PARP15: variants seen among roughly 807,000 people sequenced by gnomAD.
PARP15 encodes the protein poly(ADP-ribose) polymerase family member 15.
In PARP15, 50 loss-of-function variants were observed where a neutral mutation model predicts 62.1. The observed-to-expected ratio is 0.81, with a 90% CI of 0.64 to 1.02. The LOEUF is 1.02. Ranked by LOEUF, PARP15 falls within the 50% of genes least tolerant of loss-of-function variation. The pLI is 0.00. For missense variants in PARP15, 820 were observed against 826.5 expected (o/e 0.99, Z 0.10); for synonymous variants, 309 against 293.1 (o/e 1.05, Z -0.55).
At chr3:122,628,013 C>T (rs556083201) in intron 9 of PARP15, among the ~76,000 whole-genome samples, 39 of 152,298 alleles carry the variant, frequency 2.6e-4, no homozygotes, top group African/African-American at 9.1e-4. Context: ...GGTCCAGGTG[C>T]TCATATAATA....
At chr3:122,624,753 T>C (rs958044234) in intron 8 of PARP15, among the ~76,000 whole-genome samples, 1 of 152,234 alleles carries the variant, frequency 6.6e-6, no homozygotes, top group African/African-American at 2.4e-5. Flanking sequence ...GAAAGTTGCG[T>C]TAGGAATCTA....
In PARP15 at chr3:122,612,633, G is replaced by A. The variant is rs1412911013; in HGVS notation, c.544-408G>A. On this transcript the variant is annotated intron_variant, in intron 3 of 11. Coordinates refer to ENST00000464300, the MANE Select transcript of PARP15 (RefSeq NM_001113523.3). ...GTTTTTGTATTTTTAGTAGAGACGG[G>A]GTTTCACTGTGTTAGCCAGGATGGT... 3.9e-5 allele frequency among the ~76,000 whole-genome samples: 6 copies of A among 151,958 alleles called. No individual in the cohort carries two copies. In the East Asian group the frequency reaches 1.2e-3, roughly 29 times the overall value.
intron 1 of PARP15, among the ~76,000 whole-genome samples, chr3:122,595,776 G>A (rs768324766): frequency 4.6e-5 from 7 of 152,038 alleles, no homozygotes; most frequent in African/African-American, 1.7e-4. Flanking sequence ...CTAGCAATCC[G>A]CCTGCCTTGG....
rs62905360 is a variant in PARP15, at chr3:122,600,421, GT to G, written c.187-5511del. 4.1e-3 allele frequency among the ~76,000 whole-genome samples: 620 copies of G among 152,160 alleles called. 6 individuals are homozygous for G. Among genetic ancestry groups the G allele is most frequent in the African/African-American group, 0.014 (590 of 41,512 alleles). ...GTAGCTTTATGTTAAGCCCAAATAT[GT>G]TTTACTATAGCTGTACATACCAACT... On this transcript the variant is annotated intron_variant, in intron 1 of 11. Transcript: ENST00000464300.
chr3:122,622,156 T>C (rs2107574436), intron 8 of PARP15, among the ~76,000 whole-genome samples: 1 of 152,368 alleles, frequency 6.6e-6, no homozygotes, highest in South Asian at 2.1e-4. Flanking sequence ...CTTAACTTCA[T>C]AGTTTTCTCA....
chr3:122,635,933 GTCT>G lies in PARP15; in HGVS notation c.1873_1875del (p.Phe625del), dbSNP rs372439793. ...GTACGTTGTGCGAGTACTTACTGGA[GTCT>G]TCACAAAGGGACGTGCAGGATTAGT... On this transcript the variant is annotated inframe_deletion, in exon 12 of 12. Transcript: ENST00000464300. The G allele has an allele frequency of 1.4e-4, 232 of 1,614,114 alleles. No individual in the cohort carries two copies. The highest frequency in any genetic ancestry group is 1.9e-4 in the Non-Finnish European group (224 of 1,180,008).
chr3:122,607,185 C>T (rs1215387156), intron 2 of PARP15, among the ~76,000 whole-genome samples: 1 of 152,148 alleles, frequency 6.6e-6, no homozygotes, highest in Admixed American at 6.5e-5. Context: ...AAGATAATTG[C>T]CATGGCTACT....
intron 7 of PARP15, 124 bp downstream of exon 7, chr3:122,619,967 T>G: frequency 2.3e-6 from 2 of 861,322 alleles, no homozygotes; most frequent in Non-Finnish European, 3.9e-6. Flanking sequence ...AGAAGGTTGG[T>G]TCACTGGAAG....
At chr3:122,616,017 G>A (rs571305605) in intron 5 of PARP15, among the ~76,000 whole-genome samples, 160 bp downstream of exon 5, 1 of 152,334 alleles carries the variant, frequency 6.6e-6, no homozygotes, top group Non-Finnish European at 1.5e-5. Context: ...GGCACACAAA[G>A]AAGCAATCGC....
intron 4 of PARP15, among the ~76,000 whole-genome samples, chr3:122,614,442 C>A (rs1225855967): frequency 6.6e-6 from 1 of 152,054 alleles, no homozygotes; most frequent in African/African-American, 2.4e-5. Context: ...CAGAAACACT[C>A]CAAAGTATTG....
chr3:122,636,027 G>C lies in PARP15; in HGVS notation c.1964G>C (p.Arg655Pro), dbSNP rs146577543. Residue 655 changes from arginine (R) to proline (P), a missense_variant, in exon 12 of 12, where the codon CGA (arginine) becomes CCA (proline). Coordinates refer to ENST00000464300, the MANE Select transcript of PARP15 (RefSeq NM_001113523.3). ...TTTGACTCAGTGACAAACAATACAC[G>C]ATCTCCAAAGCTATTTGTGGTATTC... ...DLFDSVTNNT[R>P]SPKLFVVFFD... 1.9e-6 allele frequency: 3 copies of C among 1,613,904 alleles called. No homozygotes were observed. Among genetic ancestry groups the C allele is most frequent in the Admixed American group, 1.7e-5 (1 of 59,992 alleles).
At chr3:122,630,961 G>A (rs1031274538) in intron 9 of PARP15, among the ~76,000 whole-genome samples, 1 of 152,168 alleles carries the variant, frequency 6.6e-6, no homozygotes, top group Non-Finnish European at 1.5e-5. Flanking sequence ...GCTGGTCACA[G>A]GTTGAGGCTG....
intron 1 of PARP15, among the ~76,000 whole-genome samples, chr3:122,581,610 T>A (rs2080802634): frequency 6.6e-6 from 1 of 152,192 alleles, no homozygotes; most frequent in African/African-American, 2.4e-5. Flanking sequence ...TGAAGTTGAG[T>A]TGTAGGGGTT....
At position 122,627,084 on chromosome 3, in the gene PARP15, A is replaced by G. The variant is rs1220239419; in HGVS notation, c.1438+51A>G. The G allele has an allele frequency of 1.4e-6, 2 of 1,453,410 alleles. 1 individual carries two copies. The highest frequency in any genetic ancestry group is 3.9e-5 in the Admixed American group (2 of 51,858). 90.0% of individuals were successfully genotyped at this position (1,453,410 alleles called of 1,614,324 possible). A position where few individuals can be genotyped will look rare whatever the true frequency, so the allele number is the denominator to read the frequency against. On this transcript the variant is annotated intron_variant, in intron 9 of 11. Transcript: ENST00000464300. ...ACCCTGCTGGCTCTGATAATCACTT[A>G]GAAAATGTTTAAGTGTGAATGTACA...
Position 122,636,453 on chromosome 3 carries a change from G to T in PARP15, c.*353G>T. The T allele has an allele frequency of 4.2e-6, 1 of 239,918 alleles. No individual in the cohort carries two copies. Among genetic ancestry groups the T allele is most frequent in the Non-Finnish European group, 8.2e-6 (1 of 121,732 alleles). The allele number at this position is 239,918 out of a possible 1,614,324, so 14.9% of individuals were successfully genotyped here. ...CATTGTTCTTCTTGGAACATGTTAAGACATCGAATGGTGGCGGGTTAAACT... is the reference window on the plus strand; with the variant it reads ...CATTGTTCTTCTTGGAACATGTTAATACATCGAATGGTGGCGGGTTAAACT... On this transcript the variant is annotated 3_prime_UTR_variant, in exon 12 of 12. Coordinates refer to ENST00000464300, the MANE Select transcript of PARP15 (RefSeq NM_001113523.3).
intron 1 of PARP15, among the ~76,000 whole-genome samples, chr3:122,605,605 G>C (rs749683949): frequency 2.0e-5 from 3 of 151,952 alleles, no homozygotes; most frequent in African/African-American, 7.3e-5. Flanking sequence ...ACAGGGTCTC[G>C]CTTTGTTACG....
At chr3:122,601,637 G>A (rs747904969) in intron 1 of PARP15, among the ~76,000 whole-genome samples, 24 of 152,028 alleles carry the variant, frequency 1.6e-4, no homozygotes, top group Non-Finnish European at 2.2e-4. Context: ...ATATTCTATC[G>A]TATGGAAGTA....
intron 6 of PARP15, among the ~76,000 whole-genome samples, chr3:122,617,564 T>A (rs1559973160): frequency 6.6e-6 from 1 of 152,230 alleles, no homozygotes. Context: ...CATTTAGAAC[T>A]CACCTTCGGT....
rs1337570433 is a variant in PARP15, at chr3:122,638,842, AC to A, written c.*2743del. ...TTTCTACCATTTTTCATTAAACATT[AC>A]AAGTTGTTCTCTTGTGTTCTTATTT... On this transcript the variant is annotated 3_prime_UTR_variant, in exon 12 of 12. Coordinates refer to ENST00000464300, the MANE Select transcript of PARP15 (RefSeq NM_001113523.3). 1.3e-5 allele frequency: 2 copies of A among 152,100 alleles called. No individual in the cohort carries two copies. Among genetic ancestry groups the A allele is most frequent in the Non-Finnish European group, 2.9e-5 (2 of 68,004 alleles). The allele number at this position is 152,100 out of a possible 1,614,324, so 9.4% of individuals were successfully genotyped here.
Sources: allele counts gnomAD v4.1 joint callset (sites outside exome capture counted in the v4.1 genomes callset), GRCh38; gene constraint gnomAD v4.1.1; transcripts MANE v1.5; gene names NCBI Gene and HGNC (gene_info 2026-07-23, HGNC 2026-07-21).